The following HDAC10 variants were observed in gnomAD, a reference collection of about 807,000 sequenced individuals.
HDAC10 encodes histone deacetylase 10, also known as polyamine deacetylase HDAC10.
A neutral mutation model predicts 82.3 loss-of-function variants in HDAC10; 90 were observed. That is an observed-to-expected ratio of 1.09 (90% CI 0.92 to 1.30). The LOEUF (loss-of-function observed/expected upper bound fraction) is 1.30, where lower values mean the gene tolerates loss of function less well. HDAC10 is among the 50% of genes most tolerant of loss of function. The pLI, the probability that HDAC10 is intolerant of heterozygous loss-of-function variation, is 0.00. For missense variants in HDAC10, 934 were observed against 876.3 expected, an observed-to-expected ratio of 1.07 and a Z score of -0.83; for synonymous variants, 456 against 391.7, an observed-to-expected ratio of 1.16 and a Z score of -1.94.
At position 50,251,200 on chromosome 22, in the gene HDAC10, CG is replaced by C; in HGVS notation, c.-169del. On this transcript the variant is annotated 5_prime_UTR_variant, in exon 1 of 20. Transcript: ENST00000216271. ...GAGCGCACAGAACCTAGGCAGGCTC[CG>C]GGATCCCAGGCGCGCAGAAGGCACG... 3.2e-6 allele frequency: 2 copies of C among 630,428 alleles called. No individual in the cohort carries two copies. Among genetic ancestry groups the C allele is most frequent in the Non-Finnish European group, 5.3e-6 (2 of 376,378 alleles). 39.1% of individuals were successfully genotyped at this position (630,428 alleles called of 1,614,324 possible). A position where few individuals can be genotyped will look rare whatever the true frequency, so the allele number is the denominator to read the frequency against.
Position 50,248,089 on chromosome 22 carries a change from G to A in HDAC10, c.1138C>T (p.Pro380Ser), listed in dbSNP as rs147013823. The stretch of plus-strand genomic sequence containing the variant: ...CACACTGGACCCCCAGGCAGCAGAG[G>A]TGGAGGCCTCCCCTCTGGGGAGTGG... ...SSHSPEGRPP[P>S]LLPGGPVCKA... Residue 380 changes from proline to serine, a missense_variant, in exon 13 of 20, where the codon CCT becomes TCT. By Grantham distance (74) the Pro-to-Ser change is moderately conservative (BLOSUM62 -1). Transcript: ENST00000216271. The surrounding 1 kb of genome is among the most constrained non-coding windows in gnomAD (Gnocchi z 5.4). The A allele has an allele frequency of 1.9e-6, 3 of 1,598,992 alleles. No homozygotes were observed. The highest frequency in any genetic ancestry group is 2.7e-5 in the African/African-American group (2 of 74,722).
chr22:50,246,921 TG>T lies in HDAC10; in HGVS notation c.1467del (p.Thr490ProfsTer40). The T allele has an allele frequency of 6.2e-7, 1 of 1,612,070 alleles. No homozygotes were observed. Among genetic ancestry groups the T allele is most frequent in the East Asian group, 2.2e-5 (1 of 44,848 alleles). On this transcript the variant is annotated frameshift_variant, in exon 15 of 20. Transcript: ENST00000216271. LOFTEE classifies it high-confidence loss of function. ...IAATPASAAA[A>X]TLDVAVRRGL... is the part of the protein sequence containing the mutation. ...CCTCTCCGAACAGCCACATCCAGGG[TG>T]GCTGCTGCAGCAGAGGCTGGAGTGG...
intron 14 of HDAC10, 29 bp downstream of exon 14, chr22:50,247,663 C>A: frequency 6.6e-7 from 1 of 1,510,800 alleles, no homozygotes; most frequent in Non-Finnish European, 9.0e-7. Flanking sequence ...AGGTCCACAG[C>A]ATCCCCAACC....
Position 50,249,451 on chromosome 22 carries a change from G to A in HDAC10, c.567C>T (p.Val189=). ...CATAGCGGTGCCAGGAGAAGTAAAG[G>A]ACGCTGCCAACAGCCAGCCAGGGCC... ...IQYLFEDDPS[V]LYFSWHRYEH... The change falls in exon 7 of 20, where the codon GTC becomes GTT. Residue 189 remains valine (V), a synonymous_variant. Coordinates refer to ENST00000216271, the MANE Select transcript of HDAC10 (RefSeq NM_032019.6). This position sits in a 1 kb window ranked among gnomAD's most constrained non-coding sequence, Gnocchi z 4.4. The A allele has an allele frequency of 6.2e-7, 1 of 1,612,638 alleles. No individual in the cohort carries two copies. The highest frequency in any genetic ancestry group is 1.6e-4 in the Middle Eastern group (1 of 6,062).
chr22:50,250,935 G>T, intron 1 of HDAC10, 30 bp from the exon 2 acceptor site: 1 of 1,609,460 alleles, frequency 6.2e-7, no homozygotes, highest in Non-Finnish European at 8.5e-7. Flanking sequence ...CAGTTCAGAG[G>T]TCCCTCCCCG....
rs2065020328 is a variant in HDAC10, at chr22:50,248,973, T to C, written c.757-83A>G. The C allele has an allele frequency of 1.3e-6, 2 of 1,494,870 alleles. No individual in the cohort carries two copies. The highest frequency in any genetic ancestry group is 1.4e-5 in the African/African-American group (1 of 72,388). The allele number at this position is 1,494,870 out of a possible 1,614,324, so 92.6% of individuals were successfully genotyped here. On this transcript the variant is annotated intron_variant, in intron 8 of 19. Transcript: ENST00000216271. This position sits in a 1 kb window ranked among gnomAD's most constrained non-coding sequence, Gnocchi z 5.4. The stretch of plus-strand genomic sequence containing the variant: ...GGCGAGCCAGGCCCATCCCATCCCC[T>C]CCTGAGCACCTTCCCCAGCCACACA...
rs1305612868 is a variant in HDAC10 at position 50,246,711 on chromosome 22, C to T, written c.1539G>A (p.Gln513=). Residue 513 remains glutamine, a synonymous_variant, in exon 16 of 20, where the codon CAG becomes CAA. Transcript: ENST00000216271. Reference sequence around the variant, plus strand: ...GGGCGAGGTCTGGAGGCCGGTCCAGCTGTCCCAGGGCCACGCACAGCAGCC... The same window carrying T: ...GGGCGAGGTCTGGAGGCCGGTCCAGTTGTCCCAGGGCCACGCACAGCAGCC... ...AQRLLCVALG[Q]LDRPPDLAHD... 5 of 1,611,974 alleles carry T rather than the reference C, an allele frequency of 3.1e-6. No individual in the cohort carries two copies. The highest frequency in any genetic ancestry group is 4.2e-6 in the Non-Finnish European group (5 of 1,179,950).
rs757555958 is a variant in HDAC10 at position 50,246,024 on chromosome 22, G to A, written c.1719C>T (p.Asp573=). The change falls in exon 18 of 20, where the codon GAC becomes GAT. Residue 573 remains aspartate, a synonymous_variant. Transcript: ENST00000216271. The stretch of plus-strand genomic sequence containing the variant: ...CAGGCCCCAGCGCCACCAGCACCAG[G>A]TCAGGCTGGAAGCCATAGGCCAGGG... ...VLPLAYGFQP[D]LVLVALGPGH... is the part of the protein sequence containing the mutation. 2.5e-6 allele frequency: 4 copies of A among 1,612,796 alleles called. No individual in the cohort carries two copies. In the South Asian group the frequency reaches 4.4e-5, roughly 18 times the overall value.
Position 50,250,467 on chromosome 22 carries a change from T to C in HDAC10, c.251A>G (p.Gln84Arg). The part of the protein sequence containing the change: ...ETQVLGKEEL[Q>R]ALSGQFDAIY... ...GGCGTCGAACTGTCCGGACAGCGCC[T>C]GCAGCTCCTCCTTGCCTAGGACCTG... The change falls in exon 3 of 20, where the codon CAG becomes CGG. Residue 84 changes from glutamine to arginine, a missense_variant. Gln to Arg is a conservative substitution (Grantham distance 43). Transcript: ENST00000216271. The C allele has an allele frequency of 6.2e-7, 1 of 1,612,952 alleles. No homozygotes were observed. Among genetic ancestry groups the C allele is most frequent in the African/African-American group, 1.3e-5 (1 of 75,020 alleles).
chr22:50,245,857 A>G (rs1287009127), intron 18 of HDAC10, 30 bp from the exon 19 acceptor site: 1 of 1,556,124 alleles, frequency 6.4e-7, no homozygotes. Flanking sequence ...GGAAGCAGTC[A>G]CTGGTCCTTT....
intron 14 of HDAC10, 94 bp from the exon 15 acceptor site, chr22:50,247,060 C>G (rs982492904): frequency 2.8e-6 from 2 of 709,414 alleles, no homozygotes; most frequent in Non-Finnish European, 4.7e-6. Flanking sequence ...TGTGTCTCTG[C>G]GGCTACTGTC....
Position 50,249,109 on chromosome 22 carries a change from G to A in HDAC10, c.750C>T (p.Ala250=), listed in dbSNP as rs1351331152. 1.2e-6 allele frequency: 2 copies of A among 1,600,384 alleles called. No homozygotes were observed. Among genetic ancestry groups the A allele is most frequent in the South Asian group, 1.1e-5 (1 of 88,528 alleles). The change falls in exon 8 of 20, where the codon GCC becomes GCT. Residue 250 remains alanine (A), a synonymous_variant. Coordinates refer to ENST00000216271, the MANE Select transcript of HDAC10 (RefSeq NM_032019.6). The surrounding 1 kb of genome is among the most constrained non-coding windows in gnomAD (Gnocchi z 4.4). ...GAGCCCTCCGTGCAGTCACCTCAAA[G>A]GCCAGTGGGAGCAGCAGGTGCAGGA... is the stretch of plus-strand genomic sequence containing the variant. The part of the protein sequence containing the change: ...AAFLHLLLPL[A]FEFDPELVLV...
intron 14 of HDAC10, 44 bp downstream of exon 14, chr22:50,247,648 C>A (rs763329138): frequency 7.0e-7 from 1 of 1,430,386 alleles, no homozygotes. Context: ...CTGGTCCCTG[C>A]CCCTAGGTCC....
chr22:50,245,864 C>G, intron 18 of HDAC10, 37 bp from the exon 19 acceptor site: 1 of 1,554,512 alleles, frequency 6.4e-7, no homozygotes, highest in Non-Finnish European at 8.7e-7. Flanking sequence ...GTCACTGGTC[C>G]TTTCCCTCGT....
At chr22:50,250,570 CA>C (rs2065064142) in intron 2 of HDAC10, 47 bp from the exon 3 acceptor site, 1 of 1,487,646 alleles carries the variant, frequency 6.7e-7, no homozygotes, top group Non-Finnish European at 9.3e-7. Context: ...CCAGCAGGAG[CA>C]GGGGGGCGGG....
rs1158446580 is a variant in HDAC10, at chr22:50,249,082, G to A, written c.756+21C>T. Reference sequence around the variant, plus strand: ...TCCCCCTCCCACCCGGCTGCCCTGGGGGAGCCCTCCGTGCAGTCACCTCAA... The same window carrying A: ...TCCCCCTCCCACCCGGCTGCCCTGGAGGAGCCCTCCGTGCAGTCACCTCAA... On this transcript the variant is annotated intron_variant, in intron 8 of 19. Coordinates refer to ENST00000216271, the MANE Select transcript of HDAC10 (RefSeq NM_032019.6). This position sits in a 1 kb window ranked among gnomAD's most constrained non-coding sequence, Gnocchi z 4.4. 6.3e-7 allele frequency: 1 copy of A among 1,582,016 alleles called. No individual in the cohort carries two copies. Among genetic ancestry groups the A allele is most frequent in the Non-Finnish European group, 8.6e-7 (1 of 1,163,178 alleles).
Position 50,248,102 on chromosome 22 carries a change from CT to C in HDAC10, c.1124del (p.Glu375GlyfsTer42), listed in dbSNP as rs1569135036. On this transcript the variant is annotated frameshift_variant, in exon 13 of 20. Coordinates refer to ENST00000216271, the MANE Select transcript of HDAC10 (RefSeq NM_032019.6). LOFTEE classifies it high-confidence loss of function. This position sits in a 1 kb window ranked among gnomAD's most constrained non-coding sequence, Gnocchi z 5.4. ...CAGGCAGCAGAGGTGGAGGCCTCCC[CT>C]CTGGGGAGTGGCTGCTGGGGCTCAT... ...VPMSPSSHSPEGRPPPLLPGG... is the reference protein window; with the variant it reads ...VPMSPSSHSPXGRPPPLLPGG... The C allele has an allele frequency of 6.3e-7, 1 of 1,593,554 alleles. No individual in the cohort carries two copies. Among genetic ancestry groups the C allele is most frequent in the Non-Finnish European group, 8.6e-7 (1 of 1,168,242 alleles).
At chr22:50,247,171 G>A (rs942584027) in intron 14 of HDAC10, 1 of 458,070 alleles carries the variant, frequency 2.2e-6, no homozygotes, top group Non-Finnish European at 3.8e-6. Flanking sequence ...GCAGGGTCTC[G>A]TTCTGTAGCC....
rs533648626 is a variant in HDAC10, at chr22:50,245,760, C to T, written c.1901G>A (p.Gly634Asp). The T allele has an allele frequency of 6.2e-7, 1 of 1,609,678 alleles. No homozygotes were observed. Among genetic ancestry groups the T allele is most frequent in the East Asian group, 2.2e-5 (1 of 44,610 alleles). ...VLNGEAPPSL[G>D]PSSVASPEDV... Reference sequence around the variant, plus strand: ...CTCTGGGGAGGCCACAGAGGAAGGGCCTAGGCTAGGAGGTGCCTCTCCATT... The same window carrying T: ...CTCTGGGGAGGCCACAGAGGAAGGGTCTAGGCTAGGAGGTGCCTCTCCATT... Residue 634 changes from glycine to aspartate, a missense_variant, in exon 19 of 20, where the codon GGC becomes GAC. By Grantham distance (94) the Gly-to-Asp change is moderately conservative. Transcript: ENST00000216271.
Sources: gnomAD v4.1 joint callset for allele counts on GRCh38, gnomAD v4.1.1 for gene constraint, Gnocchi (gnomAD v3.1) non-coding constraint, MANE v1.5 for transcripts, NCBI Gene and HGNC (gene_info 2026-07-23, HGNC 2026-07-21) for gene names.